GRIP1: variants seen among roughly 807,000 people sequenced by gnomAD.
GRIP1 encodes the protein glutamate receptor interacting protein 1.
In GRIP1, 45 loss-of-function variants were observed where a neutral mutation model predicts 129.9. The observed-to-expected ratio is 0.35, with a 90% CI of 0.27 to 0.44. The LOEUF (loss-of-function observed/expected upper bound fraction) is 0.44. GRIP1 is among the 20% of genes least tolerant of loss of function. The pLI, the probability that GRIP1 is intolerant of heterozygous loss-of-function variation, is 1.00. For missense variants in GRIP1, 1,196 were observed against 1,396.8 expected (o/e 0.86, Z 2.29); for synonymous variants, 530 against 520.8 (o/e 1.02, Z -0.24).
chr12:67,046,142 G>A (rs1193491327), intron 1 of GRIP1, among the ~76,000 whole-genome samples: 1 of 152,188 alleles, frequency 6.6e-6, no homozygotes, highest in East Asian at 1.9e-4. Flanking sequence ...GCCCTCTTCA[G>A]TTGACCCCCA....
intron 1 of GRIP1, among the ~76,000 whole-genome samples, chr12:66,841,368 G>T (rs1231392007): frequency 6.6e-6 from 1 of 152,092 alleles, no homozygotes; most frequent in Non-Finnish European, 1.5e-5. Context: ...AATAAAAGAT[G>T]ATATGTGCTA....
At chr12:66,538,038 C>T (rs1205311114) in intron 4 of GRIP1, among the ~76,000 whole-genome samples, 1 of 152,096 alleles carries the variant, frequency 6.6e-6, no homozygotes, top group Non-Finnish European at 1.5e-5. Context: ...AATAAACCAT[C>T]CCTGTTTTAA....
chr12:66,445,242 C>T, intron 12 of GRIP1, 80 bp downstream of exon 12: 1 of 1,113,974 alleles, frequency 9.0e-7, no homozygotes, highest in Non-Finnish European at 1.4e-6. Flanking sequence ...AGCAATGTTT[C>T]ATAATTTACT....
At chr12:66,567,003 T>G (rs1227448825) in intron 2 of GRIP1, among the ~76,000 whole-genome samples, 2 of 151,636 alleles carry the variant, frequency 1.3e-5, no homozygotes, top group Non-Finnish European at 3.0e-5. Context: ...TTTTATTGCA[T>G]GTATTCTCTC....
intron 7 of GRIP1, among the ~76,000 whole-genome samples, chr12:66,509,319 A>T (rs926698948): frequency 6.6e-6 from 1 of 152,198 alleles, no homozygotes; most frequent in Non-Finnish European, 1.5e-5. Context: ...CTTTACATGT[A>T]TTCACTCACT....
intron 24 of GRIP1, 108 bp downstream of exon 24, chr12:66,353,309 A>G: frequency 1.2e-6 from 1 of 816,786 alleles, no homozygotes; most frequent in Non-Finnish European, 2.1e-6. Context: ...TTGATGACAA[A>G]GGCTGAAAGG....
At chr12:66,761,432 C>T (rs777592915) in intron 1 of GRIP1, among the ~76,000 whole-genome samples, 5 of 152,090 alleles carry the variant, frequency 3.3e-5, no homozygotes, top group South Asian at 2.1e-4. Flanking sequence ...AAAGGAAGCC[C>T]GTACTGCCTC....
intron 1 of GRIP1, among the ~76,000 whole-genome samples, chr12:66,660,106 G>A (rs147917637): frequency 4.1e-4 from 63 of 152,102 alleles, no homozygotes; most frequent in African/African-American, 1.3e-3. Flanking sequence ...AAAATGTGAC[G>A]GCCTCAGCCC....
At chr12:66,540,770 C>T (rs1354170966) in intron 3 of GRIP1, among the ~76,000 whole-genome samples, 1 of 152,014 alleles carries the variant, frequency 6.6e-6, no homozygotes, top group Non-Finnish European at 1.5e-5. Flanking sequence ...TTTGGCCTCA[C>T]TTTTATTTTT....
intron 7 of GRIP1, among the ~76,000 whole-genome samples, chr12:66,474,896 G>A (rs1043410774): frequency 3.3e-5 from 5 of 152,098 alleles, no homozygotes; most frequent in Admixed American, 1.3e-4. Context: ...AAAGACTATC[G>A]ATGCTAGGAA....
intron 1 of GRIP1, among the ~76,000 whole-genome samples, chr12:67,060,496 T>C (rs2043513531): frequency 6.6e-6 from 1 of 152,210 alleles, no homozygotes; most frequent in South Asian, 2.1e-4. Context: ...TGTAGTTATA[T>C]GTTAGTACAT....
intron 1 of GRIP1, among the ~76,000 whole-genome samples, chr12:66,983,107 A>G (rs552013840): frequency 2.0e-5 from 3 of 152,272 alleles, no homozygotes; most frequent in East Asian, 1.9e-4. Context: ...CACAAAACCT[A>G]TATGAACTTG....
intron 1 of GRIP1, among the ~76,000 whole-genome samples, chr12:66,665,331 T>C (rs1474829136): frequency 1.3e-5 from 2 of 152,186 alleles, no homozygotes. Context: ...TATTACAATA[T>C]GGCATACACA....
intron 7 of GRIP1, among the ~76,000 whole-genome samples, chr12:66,481,612 G>A (rs1439936829): frequency 6.6e-6 from 1 of 152,108 alleles, no homozygotes; most frequent in Non-Finnish European, 1.5e-5. Context: ...ATACCCAAAG[G>A]ATTATAAATC....
upstream of GRIP1, among the ~76,000 whole-genome samples, chr12:66,804,903 T>C (rs1010066328): frequency 6.6e-6 from 1 of 152,180 alleles, no homozygotes; most frequent in African/African-American, 2.4e-5. Flanking sequence ...TATGTGTTAA[T>C]TGGAGCAGCA....
At chr12:66,995,138 A>T (rs1172629745) in intron 1 of GRIP1, among the ~76,000 whole-genome samples, 1 of 151,966 alleles carries the variant, frequency 6.6e-6, no homozygotes, top group Non-Finnish European at 1.5e-5. Flanking sequence ...CTGGATATTT[A>T]TATTCAAGAA....
chr12:66,752,341 T>C (rs1197621896), intron 1 of GRIP1, among the ~76,000 whole-genome samples: 1 of 152,162 alleles, frequency 6.6e-6, no homozygotes, highest in Non-Finnish European at 1.5e-5. Context: ...AGATACTAAA[T>C]TCACATGTAT....
At chr12:66,749,349 C>T (rs1454723683) in intron 1 of GRIP1, among the ~76,000 whole-genome samples, 17 of 152,096 alleles carry the variant, frequency 1.1e-4, no homozygotes, top group Non-Finnish European at 5.9e-5. Flanking sequence ...GGGAAAGAGA[C>T]CAACTCAATT....
At chr12:66,779,987 T>C (rs1172486442) in intron 1 of GRIP1, among the ~76,000 whole-genome samples, 2 of 152,162 alleles carry the variant, frequency 1.3e-5, no homozygotes, top group East Asian at 1.9e-4. Flanking sequence ...GTGTGGTGAA[T>C]GTATCAGGAG....
Sources: allele counts gnomAD v4.1 joint callset (sites outside exome capture counted in the v4.1 genomes callset), GRCh38; gene constraint gnomAD v4.1.1; transcripts MANE v1.5; gene names NCBI Gene and HGNC (gene_info 2026-07-23, HGNC 2026-07-21).